The following FKBP6 variants were observed in gnomAD, a reference collection of about 807,000 sequenced individuals.
FKBP6 encodes inactive peptidyl-prolyl cis-trans isomerase FKBP6.
In FKBP6, 29 loss-of-function variants were observed where a neutral mutation model predicts 41.7. The observed-to-expected ratio is 0.70, with a 90% CI of 0.52 to 0.95. The LOEUF is 0.95. Ranked by LOEUF, FKBP6 falls within the 40% of genes least tolerant of loss-of-function variation. The pLI is 0.00. For missense variants in FKBP6, 338 were observed against 408.7 expected, an observed-to-expected ratio of 0.83 and a Z score of 1.49; for synonymous variants, 130 against 165.1, an observed-to-expected ratio of 0.79 and a Z score of 1.63.
chr7:73,340,530 AC>A (rs1352840254), intron 5 of FKBP6, 107 bp from the exon 6 acceptor site: 10 of 855,960 alleles, frequency 1.2e-5, no homozygotes, highest in Non-Finnish European at 2.0e-5. Flanking sequence ...GTGTCTTGCA[AC>A]CTGTAACAGC....
At chr7:73,330,426 A>G (rs1804802241) in intron 4 of FKBP6, 74 bp downstream of exon 4, 1 of 1,200,784 alleles carries the variant, frequency 8.3e-7, no homozygotes, top group Non-Finnish European at 1.2e-6. Context: ...ATTCTTCTAG[A>G]TGGCCTGCCC....
intron 8 of FKBP6, among the ~76,000 whole-genome samples, chr7:73,355,446 C>T (rs1297930710): frequency 1.3e-5 from 2 of 152,140 alleles, no homozygotes; most frequent in African/African-American, 2.4e-5. Context: ...ATTCAACTAC[C>T]TGAACCTCGT....
intron 8 of FKBP6, among the ~76,000 whole-genome samples, chr7:73,347,925 G>A (rs1805379512): frequency 6.6e-6 from 1 of 152,148 alleles, no homozygotes; most frequent in Admixed American, 6.5e-5. Flanking sequence ...AATTATGAGC[G>A]TGAGCACAGC....
intron 8 of FKBP6, among the ~76,000 whole-genome samples, chr7:73,357,912 C>T (rs1049284955): frequency 2.6e-5 from 4 of 150,980 alleles, no homozygotes; most frequent in Admixed American, 6.6e-5. Flanking sequence ...CACTTGAACC[C>T]GGGAGGCAGA....
At chr7:73,333,353 T>A (rs1355360344) in intron 5 of FKBP6, among the ~76,000 whole-genome samples, 4 of 152,068 alleles carry the variant, frequency 2.6e-5, no homozygotes, top group Admixed American at 6.5e-5. Flanking sequence ...GCCGACCCTG[T>A]CACCCAATAT....
intron 7 of FKBP6, among the ~76,000 whole-genome samples, chr7:73,341,627 G>T (rs1168258499): frequency 9.5e-6 from 1 of 104,910 alleles, no homozygotes; most frequent in Non-Finnish European, 2.3e-5. Context: ...TTCCCCTACC[G>T]CAAATAAACA....
chr7:73,338,218 G>T (rs1402800553), intron 5 of FKBP6, among the ~76,000 whole-genome samples: 1 of 152,084 alleles, frequency 6.6e-6, no homozygotes, highest in African/African-American at 2.4e-5. Flanking sequence ...TAGAGACAGG[G>T]TGTCACCATG....
At chr7:73,354,373 C>T (rs1016679513) in intron 8 of FKBP6, among the ~76,000 whole-genome samples, 5 of 152,182 alleles carry the variant, frequency 3.3e-5, no homozygotes, top group African/African-American at 4.8e-5. Context: ...ATGGAGTGGC[C>T]GCCAGAGAGC....
chr7:73,346,138 GCAGA>G (rs1415109406), intron 8 of FKBP6, among the ~76,000 whole-genome samples: 2 of 152,180 alleles, frequency 1.3e-5, no homozygotes, highest in Non-Finnish European at 2.9e-5. Context: ...TCGTTCAAGA[GCAGA>G]CAGATTTTGT....
chr7:73,328,314 G>A lies in FKBP6; in HGVS notation c.-115G>A, dbSNP rs1554546646. On this transcript the variant is annotated 5_prime_UTR_variant, in exon 1 of 9. Coordinates refer to ENST00000252037, the MANE Select transcript of FKBP6 (RefSeq NM_003602.5). The stretch of plus-strand genomic sequence containing the variant: ...GGCCCCAGAATGGAATGCCGCCGTC[G>A]GTAGGGGTCTGCCGGGCATAAAGGG... 2.6e-6 allele frequency: 4 copies of A among 1,549,260 alleles called. No homozygotes were observed. In the Admixed American group the frequency reaches 5.9e-5, roughly 23 times the overall value.
intron 5 of FKBP6, among the ~76,000 whole-genome samples, chr7:73,333,900 C>T (rs577490008): frequency 1.3e-5 from 2 of 152,182 alleles, no homozygotes; most frequent in East Asian, 1.9e-4. Context: ...GGTGAAACCC[C>T]GTCTCTACTA....
At chr7:73,339,533 G>A (rs1805109151) in intron 5 of FKBP6, among the ~76,000 whole-genome samples, 2 of 151,872 alleles carry the variant, frequency 1.3e-5, no homozygotes, top group African/African-American at 4.8e-5. Flanking sequence ...GTTTTGAAAT[G>A]GGAAATATGA....
chr7:73,351,292 C>G (rs149096473), intron 8 of FKBP6, among the ~76,000 whole-genome samples: 1 of 152,034 alleles, frequency 6.6e-6, no homozygotes, highest in African/African-American at 2.4e-5. Context: ...AGCCTCCCAA[C>G]GTGCTGGGAT....
At chr7:73,337,032 A>T (rs868984516) in intron 5 of FKBP6, 4 of 343,524 alleles carry the variant, frequency 1.2e-5, no homozygotes, top group African/African-American at 2.2e-5. Context: ...TTGATTACTC[A>T]TGGGAATGAG....
chr7:73,331,957 G>T (rs1554547780), intron 5 of FKBP6, among the ~76,000 whole-genome samples, 181 bp downstream of exon 5: 2 of 152,206 alleles, frequency 1.3e-5, no homozygotes. Context: ...TCCGCCTCCT[G>T]GGTTCACGCC....
chr7:73,341,213 C>A (rs1370274171), intron 6 of FKBP6, 60 bp from the exon 7 acceptor site: 1 of 1,203,966 alleles, frequency 8.3e-7, no homozygotes. Flanking sequence ...CATGAGCCAC[C>A]GTGCCCAGCC....
At chr7:73,337,005 ATG>A (rs782500666) in intron 5 of FKBP6, 17 of 334,284 alleles carry the variant, frequency 5.1e-5, no homozygotes, top group Non-Finnish European at 9.5e-5. Flanking sequence ...TGGGAAAGAA[ATG>A]TGTTACTTTC....
chr7:73,335,693 T>C (rs1316437515), intron 5 of FKBP6, among the ~76,000 whole-genome samples: 2 of 152,150 alleles, frequency 1.3e-5, no homozygotes, highest in Non-Finnish European at 2.9e-5. Flanking sequence ...GTTCCATCAG[T>C]TCCTAGGTCT....
intron 8 of FKBP6, among the ~76,000 whole-genome samples, chr7:73,350,865 G>A (rs559658293): frequency 1.2e-4 from 18 of 152,054 alleles, no homozygotes; most frequent in East Asian, 5.8e-4. Flanking sequence ...CCTGTGACCC[G>A]GCTGTCCTGC....
Sources: gnomAD v4.1 joint callset for allele counts (sites outside exome capture counted in the v4.1 genomes callset) on GRCh38, gnomAD v4.1.1 for gene constraint, MANE v1.5 for transcripts, NCBI Gene and HGNC (gene_info 2026-07-23, HGNC 2026-07-21) for gene names.